Variants in KITLG observed in about 807,000 individuals in gnomAD.
KITLG encodes c-Kit ligand.
In KITLG, 13 loss-of-function variants were observed where a neutral mutation model predicts 34.1. The observed-to-expected ratio is 0.38, with a 90% CI of 0.25 to 0.61. KITLG has a LOEUF of 0.61. Ranked by LOEUF, KITLG falls within the 20% of genes least tolerant of loss-of-function variation. KITLG has a pLI of 0.60. For missense variants in KITLG, 292 were observed against 318.9 expected (o/e 0.92, Z 0.64); for synonymous variants, 110 against 104.0 (o/e 1.06, Z -0.35).
rs981328350 is a variant in KITLG at position 88,494,732 on chromosome 12, C to T, written c.*2487G>A. On this transcript the variant is annotated 3_prime_UTR_variant, in exon 10 of 10. Transcript: ENST00000644744. ...TTGAGAATCTACAGACTTCTGAGAT[C>T]ATTTTAAAAGGTAATTTTGAAACCT... The T allele has an allele frequency of 6.6e-6, 1 of 152,282 alleles. No homozygotes were observed. Among genetic ancestry groups the T allele is most frequent in the African/African-American group, 2.4e-5 (1 of 41,396 alleles). 9.4% of individuals were successfully genotyped at this position (152,282 alleles called of 1,614,324 possible). A position where few individuals can be genotyped will look rare whatever the true frequency, so the allele number is the denominator to read the frequency against.
At chr12:88,501,140 G>A (rs925841437) in intron 9 of KITLG, among the ~76,000 whole-genome samples, 2 of 151,966 alleles carry the variant, frequency 1.3e-5, no homozygotes, top group Non-Finnish European at 2.9e-5. Flanking sequence ...TTCCTTCCAC[G>A]TTTGTTCCTT....
chr12:88,539,693 G>A (rs892816347), intron 2 of KITLG, among the ~76,000 whole-genome samples: 5 of 152,120 alleles, frequency 3.3e-5, no homozygotes, highest in Non-Finnish European at 5.9e-5. Flanking sequence ...AAGCCAAGGT[G>A]AGAGGATTGC....
chr12:88,499,401 T>A (rs565233858), intron 9 of KITLG, among the ~76,000 whole-genome samples: 2 of 152,270 alleles, frequency 1.3e-5, no homozygotes, highest in South Asian at 4.1e-4. Flanking sequence ...CCCCCTTAGC[T>A]CAGATATACC....
chr12:88,499,085 C>T (rs760478931), intron 9 of KITLG, among the ~76,000 whole-genome samples: 1 of 152,034 alleles, frequency 6.6e-6, no homozygotes, highest in African/African-American at 2.4e-5. Flanking sequence ...GTACATTTAT[C>T]ACTAACCCTC....
intron 1 of KITLG, among the ~76,000 whole-genome samples, chr12:88,568,949 G>T (rs1871547760): frequency 6.6e-6 from 1 of 152,114 alleles, no homozygotes; most frequent in South Asian, 2.1e-4. Context: ...ATTGCCTAAG[G>T]TCCCATGTCA....
chr12:88,507,182 A>C (rs374834018), intron 6 of KITLG, 45 bp from the exon 7 acceptor site: 16 of 1,229,842 alleles, frequency 1.3e-5, no homozygotes, highest in Non-Finnish European at 1.6e-5. Context: ...TATCCATTCT[A>C]GAAGTTTTGC....
intron 1 of KITLG, among the ~76,000 whole-genome samples, chr12:88,579,364 A>AAAGT (rs1871935729): frequency 1.3e-5 from 2 of 151,954 alleles, no homozygotes; most frequent in Admixed American, 6.6e-5. Context: ...TCTAAGGGGG[A>AAAGT]AAGTGAGAGG....
chr12:88,559,217 G>A (rs749454826), intron 1 of KITLG, among the ~76,000 whole-genome samples: 3 of 152,260 alleles, frequency 2.0e-5, no homozygotes, highest in Non-Finnish European at 2.9e-5. Context: ...TTTATCAGAC[G>A]CCCTTTAAGT....
At position 88,507,092 on chromosome 12, in the gene KITLG, G is replaced by A; in HGVS notation, c.650C>T (p.Ala217Val). The A allele has an allele frequency of 1.9e-6, 3 of 1,613,742 alleles. No individual in the cohort carries two copies. Among genetic ancestry groups the A allele is most frequent in the Non-Finnish European group, 2.5e-6 (3 of 1,179,686 alleles). Residue 217 changes from alanine (A) to valine (V), a missense_variant, in exon 7 of 10, where the codon GCC becomes GTC. By Grantham distance (64) the Ala-to-Val change is moderately conservative. Coordinates refer to ENST00000644744, the MANE Select transcript of KITLG (RefSeq NM_000899.5). ...AGAAAACAATGCTGGCAATGCCATGGCTGCCCAGTGTAGGCTGGAGTCTCC... is the reference window on the plus strand; with the variant it reads ...AGAAAACAATGCTGGCAATGCCATGACTGCCCAGTGTAGGCTGGAGTCTCC... ...PPGDSSLHWA[A>V]MALPALFSLI...
chr12:88,540,082 C>T (rs1017188876), intron 2 of KITLG, among the ~76,000 whole-genome samples: 1 of 151,952 alleles, frequency 6.6e-6, no homozygotes, highest in African/African-American at 2.4e-5. Context: ...GATGACATAC[C>T]TTATGATGAT....
At chr12:88,524,034 G>A (rs1480415009) in intron 3 of KITLG, among the ~76,000 whole-genome samples, 2 of 152,196 alleles carry the variant, frequency 1.3e-5, no homozygotes, top group Non-Finnish European at 2.9e-5. Context: ...GGGAGTGAGG[G>A]CAGCAACGAT....
chr12:88,507,398 T>C (rs1264951684), intron 6 of KITLG, among the ~76,000 whole-genome samples: 1 of 152,184 alleles, frequency 6.6e-6, no homozygotes, highest in Non-Finnish European at 1.5e-5. Context: ...CTGACACATA[T>C]GGAACACAGA....
At chr12:88,565,730 T>C (rs1247323823) in intron 1 of KITLG, among the ~76,000 whole-genome samples, 1 of 152,168 alleles carries the variant, frequency 6.6e-6, no homozygotes, top group Non-Finnish European at 1.5e-5. Flanking sequence ...GTTTGATGAC[T>C]GAGAGTTGTA....
rs1868477865 is a variant in KITLG, at chr12:88,493,284, T to G, written c.*3935A>C. ...TGTTAAAAACATCATAAGGATGTAGTTGGAGATGGCAGTTATAAATAAATT... is the reference window on the plus strand; with the variant it reads ...TGTTAAAAACATCATAAGGATGTAGGTGGAGATGGCAGTTATAAATAAATT... On this transcript the variant is annotated 3_prime_UTR_variant, in exon 10 of 10. Transcript: ENST00000644744. 1 of 152,352 alleles carries G rather than the reference T, an allele frequency of 6.6e-6. No individual in the cohort carries two copies. The highest frequency in any genetic ancestry group is 6.6e-5 in the Admixed American group (1 of 15,212). 9.4% of individuals were successfully genotyped at this position (152,352 alleles called of 1,614,324 possible). A position where few individuals can be genotyped will look rare whatever the true frequency, so the allele number is the denominator to read the frequency against.
At chr12:88,515,462 G>A (rs913263944) in intron 6 of KITLG, 72 bp downstream of exon 6, 1 of 912,306 alleles carries the variant, frequency 1.1e-6, no homozygotes, top group African/African-American at 1.6e-5. Flanking sequence ...AAGTTTCCTT[G>A]AAAGCCCATG....
At chr12:88,562,640 A>G (rs1871333048) in intron 1 of KITLG, among the ~76,000 whole-genome samples, 1 of 152,184 alleles carries the variant, frequency 6.6e-6, no homozygotes, top group African/African-American at 2.4e-5. Flanking sequence ...TCAAATAGTG[A>G]CGATTAGCTA....
intron 4 of KITLG, 36 bp from the exon 5 acceptor site, chr12:88,516,526 T>G (rs1318794660): frequency 2.1e-6 from 3 of 1,419,028 alleles, no homozygotes; most frequent in Non-Finnish European, 2.0e-6. Context: ...TTTCAAATAG[T>G]CTTCAGACTT....
At chr12:88,552,862 T>G (rs192256044) in intron 1 of KITLG, among the ~76,000 whole-genome samples, 1 of 152,174 alleles carries the variant, frequency 6.6e-6, no homozygotes, top group South Asian at 2.1e-4. Flanking sequence ...CTAATCTCCC[T>G]GAGTATCCAT....
intron 3 of KITLG, among the ~76,000 whole-genome samples, chr12:88,521,794 C>T (rs1023293203): frequency 2.6e-5 from 4 of 152,110 alleles, no homozygotes; most frequent in African/African-American, 9.7e-5. Flanking sequence ...ACTCCATGCT[C>T]TCAATTTCTT....
Sources: allele counts gnomAD v4.1 joint callset (sites outside exome capture counted in the v4.1 genomes callset), GRCh38; gene constraint gnomAD v4.1.1; transcripts MANE v1.5; gene names NCBI Gene and HGNC (gene_info 2026-07-23, HGNC 2026-07-21).